The following AOAH variants were observed in gnomAD, a reference collection of about 807,000 sequenced individuals.
AOAH encodes the protein acyloxyacyl hydrolase (neutrophil).
Under a neutral mutation model 92.2 loss-of-function variants are expected in AOAH, and 64 were observed. That is an observed-to-expected ratio of 0.69 (90% CI 0.57 to 0.86). The LOEUF is 0.86. Among genes scored for constraint, AOAH ranks in the 40% least tolerant of loss-of-function variants. The pLI is 0.00. For synonymous variants in AOAH, 263 were observed against 254.5 expected, an observed-to-expected ratio of 1.03 and a Z score of -0.32; for missense variants, 656 against 694.6, an observed-to-expected ratio of 0.94 and a Z score of 0.62.
At chr7:36,569,718 C>T (rs1308356038) in intron 13 of AOAH, among the ~76,000 whole-genome samples, 2 of 152,024 alleles carry the variant, frequency 1.3e-5, no homozygotes, top group Non-Finnish European at 2.9e-5. Flanking sequence ...TTAAGTGATT[C>T]TCCTGCCTCA....
At chr7:36,517,238 C>CTTTT (rs1783826427) in intron 20 of AOAH, among the ~76,000 whole-genome samples, 2 of 89,548 alleles carry the variant, frequency 2.2e-5, no homozygotes, top group Admixed American at 1.2e-4. Flanking sequence ...CTCTCTCTCT[C>CTTTT]TCTCTCTTTC....
intron 20 of AOAH, among the ~76,000 whole-genome samples, chr7:36,515,975 A>G (rs925325701): frequency 1.4e-5 from 2 of 140,584 alleles, no homozygotes; most frequent in African/African-American, 5.3e-5. Context: ...GAAACACTAC[A>G]CACACCACAC....
At chr7:36,687,441 A>G (rs1182699048) in intron 1 of AOAH, among the ~76,000 whole-genome samples, 1 of 152,050 alleles carries the variant, frequency 6.6e-6, no homozygotes, top group Non-Finnish European at 1.5e-5. Flanking sequence ...TTACTTTGAT[A>G]TGTGGTAAGT....
chr7:36,618,407 A>T, intron 9 of AOAH, 62 bp from the exon 10 acceptor site: 1 of 1,475,896 alleles, frequency 6.8e-7, no homozygotes, highest in Non-Finnish European at 9.5e-7. Flanking sequence ...ACATATACTA[A>T]AGCTCTCCTA....
intron 6 of AOAH, among the ~76,000 whole-genome samples, chr7:36,630,138 A>G (rs908755870): frequency 6.6e-6 from 1 of 152,246 alleles, no homozygotes; most frequent in African/African-American, 2.4e-5. Context: ...AAGGGATCCA[A>G]CTAGAATCTT....
At chr7:36,592,568 T>G (rs149109301) in intron 12 of AOAH, among the ~76,000 whole-genome samples, 1 of 152,244 alleles carries the variant, frequency 6.6e-6, no homozygotes, top group Non-Finnish European at 1.5e-5. Context: ...CAACACAAAG[T>G]TTGAGAGGCA....
chr7:36,635,685 A>C (rs955814466), intron 5 of AOAH, among the ~76,000 whole-genome samples: 2 of 152,122 alleles, frequency 1.3e-5, no homozygotes, highest in African/African-American at 4.8e-5. Context: ...GTTTAGTACT[A>C]AGGAGGCCTT....
intron 4 of AOAH, among the ~76,000 whole-genome samples, chr7:36,646,228 T>C (rs1398655438): frequency 2.0e-5 from 3 of 152,250 alleles, no homozygotes; most frequent in Non-Finnish European, 4.4e-5. Flanking sequence ...TTCTTAACTC[T>C]ACTTTGTAAA....
chr7:36,601,778 G>C (rs1015758642), intron 11 of AOAH, among the ~76,000 whole-genome samples: 6 of 152,162 alleles, frequency 3.9e-5, no homozygotes, highest in Admixed American at 1.3e-4. Flanking sequence ...CTTATCTAAC[G>C]TGTGAGTCCT....
intron 3 of AOAH, among the ~76,000 whole-genome samples, chr7:36,668,464 C>T (rs1423036774): frequency 2.0e-5 from 3 of 152,170 alleles, no homozygotes; most frequent in Non-Finnish European, 4.4e-5. Flanking sequence ...CAGCTGCTTG[C>T]CCAATAATCT....
chr7:36,581,606 C>A (rs1335805772), intron 12 of AOAH, among the ~76,000 whole-genome samples: 2 of 152,090 alleles, frequency 1.3e-5, no homozygotes, highest in Non-Finnish European at 1.5e-5. Context: ...GTAATTCTTA[C>A]CTATTTAGTC....
chr7:36,541,115 C>T (rs950360918), intron 15 of AOAH, among the ~76,000 whole-genome samples: 6 of 152,304 alleles, frequency 3.9e-5, no homozygotes, highest in Middle Eastern at 3.4e-3. Flanking sequence ...TTATATTATA[C>T]GTCCACACTG....
At chr7:36,543,332 T>G (rs1248081136) in intron 15 of AOAH, among the ~76,000 whole-genome samples, 1 of 152,208 alleles carries the variant, frequency 6.6e-6, no homozygotes, top group Non-Finnish European at 1.5e-5. Context: ...AGGTTCTATA[T>G]TCACTGTGTG....
rs140524230 is a variant in AOAH, at chr7:36,532,480, C to A, written c.1307-136G>T. 1.2e-3 allele frequency: 999 copies of A among 803,204 alleles called. 9 individuals are homozygous for A. In the African/African-American group the frequency reaches 0.014, roughly 11 times the overall value. The allele number at this position is 803,204 out of a possible 1,614,324, so 49.8% of individuals were successfully genotyped here. ...TCCCCTGATTTTTCATGCAGCATTG[C>A]TCTTGAAGAATGCCTGTGCTTTCCT... On this transcript the variant is annotated intron_variant, in intron 16 of 20. Transcript: ENST00000617537.
intron 1 of AOAH, among the ~76,000 whole-genome samples, chr7:36,713,776 A>G (rs975078675): frequency 6.6e-5 from 10 of 152,230 alleles, no homozygotes; most frequent in Non-Finnish European, 1.5e-5. Flanking sequence ...CTTTGAAACC[A>G]ATGAGAACAA....
intron 11 of AOAH, among the ~76,000 whole-genome samples, chr7:36,610,026 G>A (rs1257284853): frequency 6.6e-6 from 1 of 152,032 alleles, no homozygotes; most frequent in East Asian, 1.9e-4. Flanking sequence ...TATTGGCTAA[G>A]CCTGGTATTC....
chr7:36,581,741 T>C (rs1788944687), intron 12 of AOAH, among the ~76,000 whole-genome samples: 1 of 152,184 alleles, frequency 6.6e-6, no homozygotes, highest in African/African-American at 2.4e-5. Context: ...AGTTGCACCT[T>C]TCATTATAAG....
chr7:36,670,157 T>C (rs930449825), intron 3 of AOAH, among the ~76,000 whole-genome samples: 2 of 152,066 alleles, frequency 1.3e-5, no homozygotes, highest in African/African-American at 4.8e-5. Flanking sequence ...AACTGAGTGG[T>C]GTGAAATAAT....
At chr7:36,570,231 C>G (rs1788044103) in intron 13 of AOAH, among the ~76,000 whole-genome samples, 1 of 152,070 alleles carries the variant, frequency 6.6e-6, no homozygotes, top group Non-Finnish European at 1.5e-5. Context: ...AGTTTGACTA[C>G]TTAGATGGCT....
Sources: allele counts gnomAD v4.1 joint callset (sites outside exome capture counted in the v4.1 genomes callset), GRCh38; gene constraint gnomAD v4.1.1; transcripts MANE v1.5; gene names NCBI Gene and HGNC (gene_info 2026-07-23, HGNC 2026-07-21).